KCNK10: variants seen among roughly 807,000 people sequenced by gnomAD.
KCNK10 encodes potassium two pore domain channel subfamily K member 10, also known as potassium channel subfamily K member 10.
KCNK10 carries 25 observed loss-of-function variants against 47.7 expected under a neutral mutation model. That is an observed-to-expected ratio of 0.52 (90% CI 0.38 to 0.73). The LOEUF is 0.73. Ranked by LOEUF, KCNK10 falls within the 30% of genes least tolerant of loss-of-function variation. The pLI is 0.00. For missense variants in KCNK10, 563 were observed against 714.5 expected, an observed-to-expected ratio of 0.79 and a Z score of 2.42; for synonymous variants, 303 against 285.6, an observed-to-expected ratio of 1.06 and a Z score of -0.61.
chr14:88,292,899 C>T (rs1887911719), intron 1 of KCNK10, among the ~76,000 whole-genome samples: 1 of 152,196 alleles, frequency 6.6e-6, no homozygotes, highest in African/African-American at 2.4e-5. Flanking sequence ...GCTGGGATTA[C>T]AGGAACAAGC....
chr14:88,202,291 A>G (rs1885126399), intron 4 of KCNK10, among the ~76,000 whole-genome samples: 1 of 152,218 alleles, frequency 6.6e-6, no homozygotes, highest in Admixed American at 6.5e-5. Flanking sequence ...AGCTAATGTG[A>G]TCACAGGGCA....
At chr14:88,270,617 G>T (rs1887381838) in intron 1 of KCNK10, 1 of 748,658 alleles carries the variant, frequency 1.3e-6, no homozygotes, top group Middle Eastern at 2.4e-4. Flanking sequence ...GAGACCCTAT[G>T]GAGCCATGAG....
intron 2 of KCNK10, among the ~76,000 whole-genome samples, chr14:88,245,720 G>A (rs547730336): frequency 6.6e-6 from 1 of 152,314 alleles, no homozygotes; most frequent in South Asian, 2.1e-4. Flanking sequence ...TCTCTTGGTT[G>A]TCTCAGATTG....
chr14:88,188,240 C>T (rs1884636590), intron 5 of KCNK10, 131 bp from the exon 6 acceptor site: 1 of 1,151,850 alleles, frequency 8.7e-7, no homozygotes, highest in Non-Finnish European at 1.3e-6. Flanking sequence ...TTGCTGTGTA[C>T]AAGGTGGACC....
intron 3 of KCNK10, chr14:88,235,304 T>G (rs930744947): frequency 2.2e-6 from 1 of 453,906 alleles, no homozygotes; most frequent in South Asian, 1.6e-5. Flanking sequence ...TAAAAAGAAG[T>G]TGACCCAGCA....
At chr14:88,275,849 A>T (rs1315678485) in intron 1 of KCNK10, among the ~76,000 whole-genome samples, 2 of 147,458 alleles carry the variant, frequency 1.4e-5, no homozygotes, top group Admixed American at 1.4e-4. Context: ...CCTGGGCGAC[A>T]GAGGGAGACT....
chr14:88,311,232 G>A (rs369583548), intron 1 of KCNK10, among the ~76,000 whole-genome samples: 79 of 152,188 alleles, frequency 5.2e-4, no homozygotes, highest in African/African-American at 1.8e-3. Context: ...GCAAACATTC[G>A]CTGAACCCAT....
chr14:88,310,666 C>T (rs530636870), intron 1 of KCNK10, among the ~76,000 whole-genome samples: 26 of 152,272 alleles, frequency 1.7e-4, no homozygotes, highest in African/African-American at 6.3e-4. Context: ...GGGATCGGCA[C>T]ATCAGAAGCT....
chr14:88,276,744 A>G (rs1010422318), intron 1 of KCNK10, among the ~76,000 whole-genome samples: 6 of 152,336 alleles, frequency 3.9e-5, no homozygotes, highest in African/African-American at 1.2e-4. Context: ...TACAGAAACC[A>G]GGCAGCCTCA....
intron 1 of KCNK10, among the ~76,000 whole-genome samples, chr14:88,298,057 T>C (rs1363369242): frequency 6.6e-6 from 1 of 152,158 alleles, no homozygotes; most frequent in Non-Finnish European, 1.5e-5. Context: ...TAAGATCTTT[T>C]CAGGTAGAAA....
chr14:88,298,373 T>C (rs1050831385), intron 1 of KCNK10, among the ~76,000 whole-genome samples: 5 of 152,216 alleles, frequency 3.3e-5, no homozygotes, highest in African/African-American at 1.2e-4. Context: ...CCTCTGTTCT[T>C]TCCCAGTGAA....
intron 1 of KCNK10, among the ~76,000 whole-genome samples, chr14:88,300,969 G>A (rs958272810): frequency 4.6e-5 from 7 of 152,072 alleles, no homozygotes; most frequent in Non-Finnish European, 7.4e-5. Flanking sequence ...TTACAAATAC[G>A]GACTTTGGAT....
chr14:88,227,514 C>T lies in KCNK10; in HGVS notation c.542G>A (p.Ser181Asn), dbSNP rs1350143011. Reference protein sequence around the residue: ...TTIGYGNIAPSTEGGKIFCIL... With the variant: ...TTIGYGNIAPNTEGGKIFCIL... ...ACAAAAGATTTTGCCTCCTTCAGTG[C>T]TCGGAGCAATATTCCCATACCCTGG... is the stretch of plus-strand genomic sequence containing the variant. Residue 181 changes from serine to asparagine, a missense_variant, in exon 4 of 7, where the codon AGC becomes AAC. Ser to Asn is a conservative substitution (Grantham distance 46, BLOSUM62 1). Transcript: ENST00000319231. 2 of 1,609,918 alleles carry T rather than the reference C, an allele frequency of 1.2e-6. No individual in the cohort carries two copies. The highest frequency in any genetic ancestry group is 1.7e-5 in the Admixed American group (1 of 59,214).
chr14:88,325,698 T>C (rs1888645878), upstream of KCNK10, among the ~76,000 whole-genome samples: 3 of 151,954 alleles, frequency 2.0e-5, no homozygotes, highest in Non-Finnish European at 4.4e-5. Flanking sequence ...CCCTCCTCCT[T>C]TGCAAAATGA....
chr14:88,235,555 G>A (rs2139883360), intron 3 of KCNK10, among the ~76,000 whole-genome samples: 1 of 152,050 alleles, frequency 6.6e-6, no homozygotes, highest in African/African-American at 2.4e-5. Flanking sequence ...GAAAGAAACA[G>A]GAAAAGGAAA....
At chr14:88,264,187 T>A (rs1023956990) in intron 1 of KCNK10, among the ~76,000 whole-genome samples, 5 of 152,202 alleles carry the variant, frequency 3.3e-5, no homozygotes, top group African/African-American at 1.2e-4. Context: ...GGAAAAAAAC[T>A]GTTTCCTGGT....
Position 88,255,747 on chromosome 14 carries a change from G to T in KCNK10, c.402+7455C>A, listed in dbSNP as rs890518546. Among the ~76,000 whole-genome samples, 5 of 151,612 alleles carry T rather than the reference G, an allele frequency of 3.3e-5. No individual in the cohort carries two copies. The South Asian group carries it at 1.0e-3, about 32-fold the overall frequency. On this transcript the variant is annotated intron_variant, in intron 2 of 6. Transcript: ENST00000319231. The stretch of plus-strand genomic sequence containing the variant: ...ATTGGACCAACCTACCCCCAGAAAC[G>T]TTCTGAGGAGGCTGAGGCAGGAGGA...
At chr14:88,241,134 AC>A (rs1336910554) in intron 2 of KCNK10, among the ~76,000 whole-genome samples, 1 of 152,252 alleles carries the variant, frequency 6.6e-6, no homozygotes, top group African/African-American at 2.4e-5. Context: ...ATATACACAC[AC>A]AAAAAATGTC....
chr14:88,304,495 C>T (rs959784776), intron 1 of KCNK10, among the ~76,000 whole-genome samples: 2 of 152,156 alleles, frequency 1.3e-5, no homozygotes, highest in African/African-American at 4.8e-5. Flanking sequence ...TGCAGTCATT[C>T]GCAGTCATGC....
Sources: allele counts gnomAD v4.1 joint callset (sites outside exome capture counted in the v4.1 genomes callset), GRCh38; gene constraint gnomAD v4.1.1; transcripts MANE v1.5; gene names NCBI Gene and HGNC (gene_info 2026-07-23, HGNC 2026-07-21).